Variants in PLSCR2 observed in about 807,000 individuals in gnomAD.
PLSCR2 encodes PL scramblase 2.
Under a neutral mutation model 25.3 loss-of-function variants are expected in PLSCR2, and 18 were observed. That is an observed-to-expected ratio of 0.71 (90% CI 0.49 to 1.06). The LOEUF is 1.06. PLSCR2 is among the 50% of genes least tolerant of loss of function. The pLI, the probability that PLSCR2 is intolerant of heterozygous loss-of-function variation, is 0.00. For synonymous variants in PLSCR2, 88 were observed against 87.3 expected (o/e 1.01, Z -0.04); for missense variants, 243 against 269.5 (o/e 0.90, Z 0.69).
At chr3:146,454,341 G>C (rs936056714) in intron 4 of PLSCR2, among the ~76,000 whole-genome samples, 178 bp from the exon 5 acceptor site, 1 of 151,932 alleles carries the variant, frequency 6.6e-6, no homozygotes, top group African/African-American at 2.4e-5. Flanking sequence ...AAATTATAGA[G>C]CATTTCCCAT....
downstream of PLSCR2, among the ~76,000 whole-genome samples, chr3:146,432,816 A>C (rs1284975235): frequency 3.3e-5 from 5 of 152,212 alleles, no homozygotes; most frequent in Non-Finnish European, 7.3e-5. Flanking sequence ...TATACTAGCC[A>C]TGTAATAATG....
chr3:146,483,825 C>T (rs184629929), intron 1 of PLSCR2, among the ~76,000 whole-genome samples: 41 of 141,006 alleles, frequency 2.9e-4, no homozygotes, highest in African/African-American at 6.9e-4. Context: ...TTCATGAAGA[C>T]GAGAAAGAAT....
At chr3:146,423,522 T>C (rs1235511104) in intron 2 of PLSCR2, among the ~76,000 whole-genome samples, 1 of 150,362 alleles carries the variant, frequency 6.7e-6, no homozygotes, top group Non-Finnish European at 1.5e-5. Context: ...CACAAAAAAA[T>C]ATTCAAGCTT....
intron 1 of PLSCR2, among the ~76,000 whole-genome samples, chr3:146,479,038 A>C (rs2043034916): frequency 6.6e-6 from 1 of 152,336 alleles, no homozygotes; most frequent in East Asian, 1.9e-4. Context: ...ACAGACAAAT[A>C]AATCTTGAGA....
At chr3:146,439,805 C>T (rs1323084148), downstream of PLSCR2, among the ~76,000 whole-genome samples, 5 of 152,178 alleles carry the variant, frequency 3.3e-5, no homozygotes, top group South Asian at 2.1e-4. Flanking sequence ...CAGCTTTGTT[C>T]CATTGCTGGC....
At position 146,399,687 on chromosome 3, in the gene PLSCR2, T is replaced by G. The variant is rs145230399; in HGVS notation, c.101-3766A>C. On this transcript the variant is annotated intron_variant and NMD_transcript_variant, in intron 2 of 3. Transcript: ENST00000463633. ...AGAATTCTGGCCTTTCTTTCCTTCCTTCCTTCTTTCCTTCCTTCCTTCTGC... is the reference window on the plus strand; with the variant it reads ...AGAATTCTGGCCTTTCTTTCCTTCCGTCCTTCTTTCCTTCCTTCCTTCTGC... Among the ~76,000 whole-genome samples the G allele has an allele frequency of 3.9e-3, 594 of 151,662 alleles. 4 individuals carry two copies. Among genetic ancestry groups the G allele is most frequent in the African/African-American group, 0.014 (577 of 41,492 alleles).
chr3:146,451,019 A>G, intron 5 of PLSCR2, among the ~76,000 whole-genome samples: 1 of 151,982 alleles, frequency 6.6e-6, no homozygotes, highest in Non-Finnish European at 1.5e-5. Context: ...TTTTAAAAAC[A>G]AAACAAAAAA....
chr3:146,448,144 A>T (rs2040672482), intron 6 of PLSCR2, among the ~76,000 whole-genome samples: 1 of 152,046 alleles, frequency 6.6e-6, no homozygotes, highest in Non-Finnish European at 1.5e-5. Context: ...TAAACTAGGT[A>T]CAATGATCAT....
chr3:146,420,136 A>G (rs561216518), intron 2 of PLSCR2, among the ~76,000 whole-genome samples: 16 of 152,164 alleles, frequency 1.1e-4, no homozygotes, highest in Non-Finnish European at 2.2e-4. Context: ...AGATTGTTGC[A>G]AGCCTTTGGT....
chr3:146,461,624 C>T (rs530386889), upstream of PLSCR2, among the ~76,000 whole-genome samples: 5 of 151,894 alleles, frequency 3.3e-5, no homozygotes, highest in East Asian at 1.9e-4. Context: ...GAAAATTTTA[C>T]GTGACGATCT....
intron 1 of PLSCR2, among the ~76,000 whole-genome samples, chr3:146,493,550 A>C (rs1290194542): frequency 1.3e-5 from 2 of 152,172 alleles, no homozygotes; most frequent in Non-Finnish European, 2.9e-5. Flanking sequence ...ATTTCAATAG[A>C]CATAAAAAAG....
intron 1 of PLSCR2, among the ~76,000 whole-genome samples, chr3:146,486,426 G>C (rs1421320983): frequency 2.0e-5 from 3 of 148,964 alleles, no homozygotes; most frequent in African/African-American, 7.4e-5. Flanking sequence ...CTGCTAGCTA[G>C]ACTAATAAAG....
intron 2 of PLSCR2, among the ~76,000 whole-genome samples, chr3:146,422,066 A>C (rs1193536795): frequency 2.0e-5 from 3 of 152,102 alleles, no homozygotes; most frequent in Non-Finnish European, 4.4e-5. Flanking sequence ...ACAAGTGCAC[A>C]GATATAAGAT....
chr3:146,395,886 C>A, exon 3 of PLSCR2: 1 of 313,876 alleles, frequency 3.2e-6, no homozygotes, highest in South Asian at 2.7e-5. Context: ...GTTTTGAAAT[C>A]TTTCCAATAA....
chr3:146,458,115 A>G (rs2041326756), intron 3 of PLSCR2, among the ~76,000 whole-genome samples: 1 of 152,190 alleles, frequency 6.6e-6, no homozygotes, highest in South Asian at 2.1e-4. Context: ...AAGGAAAAAG[A>G]AGTCTGCAAA....
intron 1 of PLSCR2, chr3:146,469,547 G>A: frequency 1.2e-5 from 12 of 985,396 alleles, no homozygotes; most frequent in African/African-American, 1.7e-5. Context: ...GTCCTAGCGT[G>A]GCTTCCTCCC....
At chr3:146,421,272 C>T (rs1438763602) in intron 2 of PLSCR2, among the ~76,000 whole-genome samples, 1 of 151,940 alleles carries the variant, frequency 6.6e-6, no homozygotes, top group African/African-American at 2.4e-5. Context: ...TACTGAAGAT[C>T]TATGTGGGTC....
In PLSCR2 at chr3:146,483,427, TAA is replaced by T. The variant is rs1560054513; in HGVS notation, c.-293+12466_-293+12467del. Reference sequence around the variant, plus strand: ...ACACATGTACCCTAGAACTTAAACTTAATATATATATATATACACATGTATGT... The same window carrying T: ...ACACATGTACCCTAGAACTTAAACTTTATATATATATATACACATGTATGT... On this transcript the variant is annotated intron_variant, in intron 1 of 8. Transcript: ENST00000336685. Among the ~76,000 whole-genome samples the T allele has an allele frequency of 5.2e-4, 57 of 108,582 alleles. 2 individuals carry two copies. Among genetic ancestry groups the T allele is most frequent in the African/African-American group, 2.1e-3 (54 of 26,002 alleles). The allele number at this position is 108,582 out of a possible 152,430, so 71.2% of individuals were successfully genotyped here. A position where few individuals can be genotyped will look rare whatever the true frequency, so the allele number is the denominator to read the frequency against.
intron 1 of PLSCR2, among the ~76,000 whole-genome samples, chr3:146,480,091 G>A (rs2043076278): frequency 6.6e-6 from 1 of 152,198 alleles, no homozygotes; most frequent in Admixed American, 6.5e-5. Flanking sequence ...AAAGCCGTAT[G>A]TAGAGGGAAA....
Sources: allele counts gnomAD v4.1 joint callset (sites outside exome capture counted in the v4.1 genomes callset), GRCh38; gene constraint gnomAD v4.1.1; transcripts MANE v1.5; gene names NCBI Gene and HGNC (gene_info 2026-07-23, HGNC 2026-07-21).